PRDM4: variants seen among roughly 807,000 people sequenced by gnomAD.
The protein encoded by PRDM4 is PR/SET domain 4.
In PRDM4, 38 loss-of-function variants were observed where a neutral mutation model predicts 62.3. The ratio of observed to expected loss-of-function variants is 0.61; its 90% confidence interval spans 0.47 to 0.80. The LOEUF (loss-of-function observed/expected upper bound fraction) is 0.80. Among genes scored for constraint, PRDM4 ranks in the 30% least tolerant of loss-of-function variants. The pLI is 0.00. For missense variants in PRDM4, 858 were observed against 997.1 expected, an observed-to-expected ratio of 0.86 and a Z score of 1.88; for synonymous variants, 339 against 348.2, an observed-to-expected ratio of 0.97 and a Z score of 0.30.
chr12:107,752,138 T>C lies in PRDM4; in HGVS notation c.403A>G (p.Asn135Asp), dbSNP rs1890916170. The C allele has an allele frequency of 2.1e-5, 33 of 1,597,934 alleles. No individual in the cohort carries two copies. The highest frequency in any genetic ancestry group is 2.8e-5 in the Non-Finnish European group (33 of 1,165,362). Residue 135 changes from asparagine (N) to aspartate (D), a missense_variant, in exon 5 of 12, where the codon AAT becomes GAT. Asn to Asp is a conservative substitution (Grantham distance 23). This residue lies in a region of PRDM4 where 499 missense variants were observed against 546.7 expected (regional missense o/e 0.91). Coordinates refer to ENST00000228437, the MANE Select transcript of PRDM4 (RefSeq NM_012406.4). ...IHPNSINVDG[N>D]TALSITNNPS... ...TTATTGGTGATAGATAATGCTGTATTACCATCAACATTTATAGAGTTAGGG... is the reference window on the plus strand; with the variant it reads ...TTATTGGTGATAGATAATGCTGTATCACCATCAACATTTATAGAGTTAGGG...
chr12:107,737,654 G>C (rs1408970797), intron 11 of PRDM4, among the ~76,000 whole-genome samples: 1 of 152,168 alleles, frequency 6.6e-6, no homozygotes, highest in African/African-American at 2.4e-5. Context: ...TCTTGCATGT[G>C]GATGAAGTCA....
chr12:107,746,079 T>C (rs1293421200), intron 6 of PRDM4, among the ~76,000 whole-genome samples, 196 bp downstream of exon 6: 2 of 152,216 alleles, frequency 1.3e-5, no homozygotes, highest in African/African-American at 4.8e-5. Context: ...AAAGGAGAGA[T>C]TTCCCAATAA....
At chr12:107,756,192 G>A (rs978280458) in intron 3 of PRDM4, among the ~76,000 whole-genome samples, 1 of 152,144 alleles carries the variant, frequency 6.6e-6, no homozygotes, top group East Asian at 1.9e-4. Context: ...CCCGGGAGGC[G>A]GAGGTTGCAG....
chr12:107,759,009 C>G (rs1387387941), intron 2 of PRDM4, among the ~76,000 whole-genome samples: 1 of 152,176 alleles, frequency 6.6e-6, no homozygotes, highest in Non-Finnish European at 1.5e-5. Context: ...GTGATTTACA[C>G]CTGTAATCCC....
At position 107,754,080 on chromosome 12, in the gene PRDM4, G is replaced by C; in HGVS notation, c.175C>G (p.Pro59Ala). The stretch of plus-strand genomic sequence containing the variant: ...GCAGAAGGCAGAGAGCTCAGGGAGG[G>C]ACCCAGGTTTGGAATTGCCACTGGG... ...GLPVAIPNLGPSLSSLPSALS... is the reference protein window; with the variant it reads ...GLPVAIPNLGASLSSLPSALS... Residue 59 changes from proline to alanine, a missense_variant, in exon 4 of 12, where the codon CCC becomes GCC. Around this residue, in one of 3 missense-constraint regions of PRDM4, gnomAD observed 499 missense variants for 546.7 expected, o/e 0.91. Coordinates refer to ENST00000228437, the MANE Select transcript of PRDM4 (RefSeq NM_012406.4). 1.9e-6 allele frequency: 3 copies of C among 1,606,990 alleles called. No homozygotes were observed. The highest frequency in any genetic ancestry group is 1.7e-5 in the Admixed American group (1 of 58,786).
chr12:107,754,388 T>A (rs1033444348), intron 3 of PRDM4, among the ~76,000 whole-genome samples: 1 of 152,200 alleles, frequency 6.6e-6, no homozygotes, highest in South Asian at 2.1e-4. Flanking sequence ...TTAATTAATT[T>A]ATCGATTGAT....
chr12:107,751,981 G>C lies in PRDM4; in HGVS notation c.560C>G (p.Ala187Gly), dbSNP rs199611684. 1,284 of 1,614,210 alleles carry C rather than the reference G, an allele frequency of 8.0e-4. 1 individual carries two copies. Among genetic ancestry groups the C allele is most frequent in the Non-Finnish European group, 1.0e-3 (1,232 of 1,180,042 alleles). ...CTCCATAGTGATTGCTGTGTCCAAG[G>C]CCACCTCATGGCCATCACTGGGATG... is the stretch of plus-strand genomic sequence containing the variant. ...SLHPSDGHEVALDTAITMENV... is the reference protein window; with the variant it reads ...SLHPSDGHEVGLDTAITMENV... Residue 187 changes from alanine (A) to glycine (G), a missense_variant, in exon 5 of 12, where the codon GCC becomes GGC. Around this residue, in one of 3 missense-constraint regions of PRDM4, gnomAD observed 499 missense variants for 546.7 expected, o/e 0.91. Transcript: ENST00000228437.
chr12:107,742,548 G>C, intron 8 of PRDM4, 200 bp from the exon 9 acceptor site: 1 of 583,226 alleles, frequency 1.7e-6, no homozygotes, highest in Non-Finnish European at 3.0e-6. Context: ...CATATTAGCT[G>C]ATGACCTTTT....
At chr12:107,742,145 A>G (rs1890537004) in intron 9 of PRDM4, 76 bp downstream of exon 9, 1 of 1,466,394 alleles carries the variant, frequency 6.8e-7, no homozygotes, top group Non-Finnish European at 9.2e-7. Flanking sequence ...TAACATGTAA[A>G]TCATTACCAA....
In PRDM4 at chr12:107,751,565, G is replaced by C; in HGVS notation, c.976C>G (p.Pro326Ala). ...TGGGTGATGGAGGAGACAGCCACAG[G>C]TTCTAGGCTGAGGCCAACTTCATGG... ...SLHEVGLSLE[P>A]VAVSSITQEV... Residue 326 changes from proline to alanine, a missense_variant, in exon 5 of 12, where the codon CCT becomes GCT. By Grantham distance (27) the Pro-to-Ala change is conservative. Around this residue, in one of 3 missense-constraint regions of PRDM4, gnomAD observed 499 missense variants for 546.7 expected, o/e 0.91. Transcript: ENST00000228437. The C allele has an allele frequency of 6.2e-7, 1 of 1,613,074 alleles. No homozygotes were observed. The highest frequency in any genetic ancestry group is 8.5e-7 in the Non-Finnish European group (1 of 1,179,018).
At position 107,760,546 on chromosome 12, in the gene PRDM4, C is replaced by A. The variant is rs748232407; in HGVS notation, c.-31G>T. On this transcript the variant is annotated 5_prime_UTR_variant, in exon 2 of 12. Coordinates refer to ENST00000228437, the MANE Select transcript of PRDM4 (RefSeq NM_012406.4). The stretch of plus-strand genomic sequence containing the variant: ...TGGGGCCAAATATCAGAGAAAGGAG[C>A]GCTCGGGTGGTGGGGAACAGGCATC... 9 of 1,612,248 alleles carry A rather than the reference C, an allele frequency of 5.6e-6. No homozygotes were observed. The highest frequency in any genetic ancestry group is 3.3e-5 in the Admixed American group (2 of 59,790).
chr12:107,736,239 T>C (rs1001473929), intron 11 of PRDM4, among the ~76,000 whole-genome samples: 3 of 152,214 alleles, frequency 2.0e-5, no homozygotes, highest in African/African-American at 4.8e-5. Flanking sequence ...GATTATAGCA[T>C]AAACAAATGT....
intron 10 of PRDM4, among the ~76,000 whole-genome samples, chr12:107,740,680 T>C (rs935587492): frequency 6.6e-6 from 1 of 152,076 alleles, no homozygotes; most frequent in Admixed American, 6.6e-5. Context: ...ACTCAGAAGC[T>C]TCTATTTAAG....
chr12:107,752,535 G>A (rs1890927990), intron 4 of PRDM4, among the ~76,000 whole-genome samples: 2 of 151,542 alleles, frequency 1.3e-5, no homozygotes, highest in South Asian at 2.1e-4. Context: ...TTATTAAAAG[G>A]TAAAATGATT....
chr12:107,754,732 GA>G (rs1891008824), intron 3 of PRDM4: 1 of 151,890 alleles, frequency 6.6e-6, no homozygotes. Context: ...ATTATATAGA[GA>G]AAAAAACAAT....
At chr12:107,746,863 G>A (rs1258964888) in intron 5 of PRDM4, among the ~76,000 whole-genome samples, 1 of 152,122 alleles carries the variant, frequency 6.6e-6, no homozygotes, top group African/African-American at 2.4e-5. Context: ...TCTTATCAAA[G>A]ACTCACTTCC....
intron 2 of PRDM4, chr12:107,759,738 T>C (rs578086716): frequency 6.6e-6 from 1 of 152,318 alleles, no homozygotes; most frequent in Admixed American, 6.5e-5. Context: ...CATTCTAAAA[T>C]GCAGTTCTAT....
At chr12:107,739,207 CA>C (rs1200932242) in intron 11 of PRDM4, 175 bp downstream of exon 11, 12 of 572,196 alleles carry the variant, frequency 2.1e-5, no homozygotes, top group South Asian at 1.1e-4. Context: ...AGGATAACAC[CA>C]AAAAAAGTGT....
intron 10 of PRDM4, among the ~76,000 whole-genome samples, chr12:107,740,450 G>A (rs1310150315): frequency 5.3e-5 from 8 of 152,038 alleles, no homozygotes; most frequent in Admixed American, 5.2e-4. Context: ...TGGTGTCACT[G>A]TACTCCAGCC....
Sources: gnomAD v4.1 joint callset for allele counts (sites outside exome capture counted in the v4.1 genomes callset) on GRCh38, gnomAD v4.1.1 for gene constraint, gnomAD v4.1.1 regional missense constraint, MANE v1.5 for transcripts, NCBI Gene and HGNC (gene_info 2026-07-23, HGNC 2026-07-21) for gene names.